The following PRKN variants were observed in gnomAD, a reference collection of about 807,000 sequenced individuals.
PRKN encodes the protein E3 ubiquitin-protein ligase parkin.
A neutral mutation model predicts 59.5 loss-of-function variants in PRKN; 56 were observed. The observed-to-expected ratio is 0.94, with a 90% CI of 0.76 to 1.18. PRKN has a LOEUF of 1.18. PRKN is among the 50% of genes most tolerant of loss of function. PRKN has a pLI of 0.00. For synonymous variants in PRKN, 250 were observed against 222.1 expected (o/e 1.13, Z -1.12); for missense variants, 657 against 596.4 (o/e 1.10, Z -1.06).
intron 3 of PRKN, among the ~76,000 whole-genome samples, chr6:162,255,077 AAAAATAAAATAAAATAAAAT>A (rs200687735): frequency 0.02 from 2,699 of 138,388 alleles, 40 homozygotes; most frequent in South Asian, 0.028. Flanking sequence ...AGATTCATAC[AAAAATAAAATAAAATAAAAT>A]AAAATAAAAT....
At chr6:162,156,231 G>A (rs1434425911) in intron 4 of PRKN, among the ~76,000 whole-genome samples, 1 of 152,106 alleles carries the variant, frequency 6.6e-6, no homozygotes, top group East Asian at 1.9e-4. Flanking sequence ...GTATCCAATC[G>A]TCCAAAAGTA....
chr6:162,261,236 G>A (rs1317486583), intron 3 of PRKN, among the ~76,000 whole-genome samples: 1 of 152,086 alleles, frequency 6.6e-6, no homozygotes, highest in Non-Finnish European at 1.5e-5. Flanking sequence ...GACTTCCTTG[G>A]TAGATATAAA....
At chr6:162,244,726 T>C (rs1305196520) in intron 3 of PRKN, among the ~76,000 whole-genome samples, 2 of 152,102 alleles carry the variant, frequency 1.3e-5, no homozygotes, top group Non-Finnish European at 2.9e-5. Context: ...ATGGAATTAA[T>C]GTTGATTCTT....
At chr6:161,913,914 G>C (rs1473421130) in intron 6 of PRKN, among the ~76,000 whole-genome samples, 6 of 152,342 alleles carry the variant, frequency 3.9e-5, no homozygotes, top group Non-Finnish European at 7.3e-5. Flanking sequence ...TGTAAGGACA[G>C]CAAGAAGGCA....
chr6:162,472,040 C>G (rs775999224), intron 1 of PRKN, among the ~76,000 whole-genome samples: 7 of 152,126 alleles, frequency 4.6e-5, no homozygotes, highest in Non-Finnish European at 1.0e-4. Context: ...GATTGATGCA[C>G]ATCAAGTCAA....
chr6:162,135,663 T>C (rs568756587), intron 4 of PRKN, among the ~76,000 whole-genome samples: 2 of 152,228 alleles, frequency 1.3e-5, no homozygotes, highest in African/African-American at 4.8e-5. Context: ...ACAGTGTGTG[T>C]AGCTGACTGT....
chr6:162,710,378 C>A lies in PRKN; in HGVS notation c.7+17284G>T, dbSNP rs1020014944. Among the ~76,000 whole-genome samples the A allele has an allele frequency of 2.3e-4, 34 of 144,820 alleles. 1 individual carries two copies. Among genetic ancestry groups the A allele is most frequent in the African/African-American group, 9.2e-4 (34 of 36,788 alleles). ...AAGCCCCTGGCACCCCCTACAAACA[C>A]ACACACACACACACACACACACACA... On this transcript the variant is annotated intron_variant, in intron 1 of 11. Transcript: ENST00000366898.
chr6:161,379,256 G>T lies in PRKN; in HGVS notation c.1167+7538C>A, dbSNP rs1785866398. On this transcript the variant is annotated intron_variant, in intron 10 of 11. Coordinates refer to ENST00000366898, the MANE Select transcript of PRKN (RefSeq NM_004562.3). The surrounding 1 kb of genome is among the most constrained non-coding windows in gnomAD (Gnocchi z 4.9). ...GGAGCCTGGACCCATCAGGGATGAT[G>T]TCTGTGTCACCCCACCAGGTAAGCC... 6.6e-6 allele frequency among the ~76,000 whole-genome samples: 1 copy of T among 152,156 alleles called. No homozygotes were observed. The highest frequency in any genetic ancestry group is 6.5e-5 in the Admixed American group (1 of 15,274).
At chr6:162,633,540 C>T (rs997106017) in intron 1 of PRKN, among the ~76,000 whole-genome samples, 8 of 150,536 alleles carry the variant, frequency 5.3e-5, no homozygotes, top group Non-Finnish European at 7.4e-5. Flanking sequence ...TGTATAAAAC[C>T]GGATTTCCAG....
At chr6:162,135,092 A>C (rs1781514017) in intron 4 of PRKN, among the ~76,000 whole-genome samples, 1 of 152,166 alleles carries the variant, frequency 6.6e-6, no homozygotes. Context: ...TGTCTAATTC[A>C]CAAAATATAC....
At chr6:161,450,981 T>C (rs182721566) in intron 9 of PRKN, among the ~76,000 whole-genome samples, 96 of 152,280 alleles carry the variant, frequency 6.3e-4, no homozygotes, top group Admixed American at 2.0e-3. Context: ...ATATGAATGA[T>C]ATGAAAGTCA....
intron 5 of PRKN, among the ~76,000 whole-genome samples, chr6:162,004,757 T>C (rs1782185057): frequency 6.6e-6 from 1 of 152,196 alleles, no homozygotes; most frequent in Non-Finnish European, 1.5e-5. Context: ...TCCCCTGTGA[T>C]GAGCAACAGC....
intron 2 of PRKN, among the ~76,000 whole-genome samples, chr6:162,340,586 G>C (rs1457036449): frequency 6.6e-6 from 1 of 152,042 alleles, no homozygotes; most frequent in Admixed American, 6.6e-5. Context: ...CAGATATATA[G>C]ACCAATGGAA....
intron 1 of PRKN, among the ~76,000 whole-genome samples, chr6:162,573,844 C>T (rs1455095875): frequency 6.6e-6 from 1 of 152,164 alleles, no homozygotes; most frequent in Admixed American, 6.5e-5. Flanking sequence ...TAACACAAAG[C>T]TCGCTGCTTG....
chr6:161,961,153 C>A (rs981529605), intron 6 of PRKN, among the ~76,000 whole-genome samples: 4 of 152,100 alleles, frequency 2.6e-5, no homozygotes, highest in African/African-American at 9.7e-5. Context: ...CTGGACTGAG[C>A]GCACAAGAAA....
chr6:162,131,337 T>C (rs1436354250), intron 4 of PRKN, among the ~76,000 whole-genome samples: 1 of 152,184 alleles, frequency 6.6e-6, no homozygotes, highest in African/African-American at 2.4e-5. Context: ...AGTAATGCAA[T>C]AATGGCCAAA....
rs1164828886 is a variant in PRKN, at chr6:161,396,356, TCTAA to T, written c.1084-9483_1084-9480del. Among the ~76,000 whole-genome samples, 2 of 152,118 alleles carry T rather than the reference TCTAA, an allele frequency of 1.3e-5. No individual in the cohort carries two copies. The highest frequency in any genetic ancestry group is 2.9e-5 in the Non-Finnish European group (2 of 68,030). On this transcript the variant is annotated intron_variant, in intron 9 of 11. Transcript: ENST00000366898. This position sits in a 1 kb window ranked among gnomAD's most constrained non-coding sequence, Gnocchi z 5.4. ...ACTTCTTGGCGGGCAAATTTCAATA[TCTAA>T]CTGAGAATTCCCTTTACCATCCTGC... is the stretch of plus-strand genomic sequence containing the variant.
At chr6:162,227,883 T>A (rs886836882) in intron 3 of PRKN, among the ~76,000 whole-genome samples, 16 of 150,172 alleles carry the variant, frequency 1.1e-4, no homozygotes, top group African/African-American at 3.9e-4. Flanking sequence ...TTGGGGGAAG[T>A]CCAAAAAGAT....
intron 7 of PRKN, among the ~76,000 whole-genome samples, chr6:161,671,005 G>A (rs1245733592): frequency 2.0e-5 from 3 of 152,064 alleles, no homozygotes; most frequent in South Asian, 2.1e-4. Flanking sequence ...CCCATAACAG[G>A]AAATGAAGTG....
Sources: gnomAD v4.1 joint callset for allele counts (sites outside exome capture counted in the v4.1 genomes callset) on GRCh38, gnomAD v4.1.1 for gene constraint, Gnocchi (gnomAD v3.1) non-coding constraint, MANE v1.5 for transcripts, NCBI Gene and HGNC (gene_info 2026-07-23, HGNC 2026-07-21) for gene names.